GRID1: variants seen among roughly 807,000 people sequenced by gnomAD.
GRID1 encodes glutamate ionotropic receptor delta type subunit 1.
Under a neutral mutation model 98.0 loss-of-function variants are expected in GRID1, and 28 were observed. That is an observed-to-expected ratio of 0.29 (90% CI 0.21 to 0.39). The LOEUF (loss-of-function observed/expected upper bound fraction) is 0.39, where lower values mean the gene tolerates loss of function less well. Ranked by LOEUF, GRID1 falls within the 10% of genes least tolerant of loss-of-function variation. The pLI is 1.00. For missense variants in GRID1, 1,111 were observed against 1,340.5 expected, an observed-to-expected ratio of 0.83 and a Z score of 2.67; for synonymous variants, 553 against 538.5, an observed-to-expected ratio of 1.03 and a Z score of -0.37.
chr10:85,758,690 G>A (rs1462499911), intron 8 of GRID1, among the ~76,000 whole-genome samples: 1 of 152,188 alleles, frequency 6.6e-6, no homozygotes, highest in Non-Finnish European at 1.5e-5. Flanking sequence ...AAGTGCGTGG[G>A]TACTGGGAGG....
intron 2 of GRID1, among the ~76,000 whole-genome samples, chr10:86,361,552 T>C (rs72845192): frequency 0.052 from 7,951 of 152,272 alleles, 295 homozygotes; most frequent in Non-Finnish European, 0.075. Flanking sequence ...TTTTTCCAGC[T>C]ATACAAACAG....
At chr10:85,993,795 C>T (rs183531543) in intron 4 of GRID1, among the ~76,000 whole-genome samples, 4 of 152,278 alleles carry the variant, frequency 2.6e-5, no homozygotes, top group African/African-American at 9.6e-5. Flanking sequence ...ACATTATATA[C>T]CCATCTTATA....
At chr10:86,000,447 G>A (rs1432878653) in intron 4 of GRID1, among the ~76,000 whole-genome samples, 1 of 152,138 alleles carries the variant, frequency 6.6e-6, no homozygotes, top group Non-Finnish European at 1.5e-5. Flanking sequence ...CATACATATG[G>A]AAAGGCAAAG....
At chr10:86,119,357 A>T (rs1015241693) in intron 4 of GRID1, among the ~76,000 whole-genome samples, 1 of 152,082 alleles carries the variant, frequency 6.6e-6, no homozygotes, top group Non-Finnish European at 1.5e-5. Flanking sequence ...ACAAACAAAA[A>T]CTAAGAAAAC....
intron 2 of GRID1, among the ~76,000 whole-genome samples, chr10:86,295,424 G>A (rs533841803): frequency 2.6e-5 from 4 of 152,176 alleles, no homozygotes; most frequent in African/African-American, 4.8e-5. Flanking sequence ...GAGCCCGAGC[G>A]TTGTCCAGGA....
intron 4 of GRID1, among the ~76,000 whole-genome samples, chr10:86,121,857 G>A (rs1269370701): frequency 1.3e-5 from 2 of 152,170 alleles, no homozygotes; most frequent in Admixed American, 6.5e-5. Flanking sequence ...GGCAGTGCTT[G>A]GATTCTAACA....
chr10:85,908,449 C>G (rs1424553926), intron 5 of GRID1, among the ~76,000 whole-genome samples: 1 of 151,780 alleles, frequency 6.6e-6, no homozygotes, highest in Admixed American at 6.5e-5. Context: ...GTAGCACTGA[C>G]AATATAAAAT....
intron 8 of GRID1, among the ~76,000 whole-genome samples, chr10:85,810,632 C>A (rs1225075470): frequency 2.0e-5 from 3 of 152,178 alleles, no homozygotes; most frequent in Non-Finnish European, 2.9e-5. Flanking sequence ...ACCCTCACTC[C>A]CAACTGGAGA....
chr10:85,954,823 TAGA>T (rs1429780794), intron 4 of GRID1, among the ~76,000 whole-genome samples: 36 of 152,354 alleles, frequency 2.4e-4, no homozygotes, highest in Admixed American at 2.3e-3. Flanking sequence ...TCTTGTGATC[TAGA>T]AGAAGTCACT....
chr10:85,844,348 A>T (rs1047374549), intron 8 of GRID1, among the ~76,000 whole-genome samples: 2 of 151,872 alleles, frequency 1.3e-5, no homozygotes, highest in Non-Finnish European at 2.9e-5. Context: ...TCTTGGTAAC[A>T]AAACTATTCT....
intron 4 of GRID1, among the ~76,000 whole-genome samples, chr10:85,922,068 C>T (rs747371326): frequency 5.9e-5 from 9 of 152,320 alleles, no homozygotes; most frequent in East Asian, 3.9e-4. Context: ...ATTTGAACTA[C>T]GGCCCAACTG....
intron 4 of GRID1, among the ~76,000 whole-genome samples, chr10:86,109,086 C>G (rs1448693116): frequency 6.6e-6 from 1 of 152,150 alleles, no homozygotes; most frequent in Non-Finnish European, 1.5e-5. Flanking sequence ...TCTCCTGACC[C>G]TTTTTTAAGC....
At chr10:86,093,874 C>T (rs1419633035) in intron 4 of GRID1, among the ~76,000 whole-genome samples, 5 of 152,144 alleles carry the variant, frequency 3.3e-5, no homozygotes, top group Middle Eastern at 3.2e-3. Flanking sequence ...AATACCAAAA[C>T]CAGGAAAGGA....
chr10:86,199,303 TA>T (rs1253422223), intron 3 of GRID1, among the ~76,000 whole-genome samples: 2 of 152,154 alleles, frequency 1.3e-5, no homozygotes, highest in Non-Finnish European at 2.9e-5. Context: ...ACTCAGTACA[TA>T]AGGAACTAGA....
intron 2 of GRID1, among the ~76,000 whole-genome samples, chr10:86,228,759 G>A (rs1846399706): frequency 6.6e-6 from 1 of 152,134 alleles, no homozygotes; most frequent in Non-Finnish European, 1.5e-5. Flanking sequence ...AGGGAGCTGG[G>A]TCACCCCTCA....
rs189857403 is a variant in GRID1 at position 85,856,482 on chromosome 10, A to C, written c.952-292T>G. The stretch of plus-strand genomic sequence containing the variant: ...ATTGAGATGTGCACACAGGTAAGTT[A>C]CCTACTCAGGTAAGGGAGGATGGAG... On this transcript the variant is annotated intron_variant, in intron 6 of 15. Transcript: ENST00000327946. Among the ~76,000 whole-genome samples, 6 of 152,324 alleles carry C rather than the reference A, an allele frequency of 3.9e-5. No individual in the cohort carries two copies. The East Asian group carries it at 1.2e-3, about 29-fold the overall frequency.
intron 4 of GRID1, among the ~76,000 whole-genome samples, chr10:85,999,953 C>T (rs1374651743): frequency 6.6e-6 from 1 of 152,212 alleles, no homozygotes; most frequent in Non-Finnish European, 1.5e-5. Context: ...TATTCCCCAT[C>T]TTACTGGGAG....
rs75516972 is a variant in GRID1 at position 86,350,887 on chromosome 10, T to C, written c.235+13054A>G. On this transcript the variant is annotated intron_variant, in intron 2 of 15. Coordinates refer to ENST00000327946, the MANE Select transcript of GRID1 (RefSeq NM_017551.3). ...TGCAGTGCTCTGGACCACTAGAACT[T>C]ATGCCTTCTAACCAGCTGTAACTTT... is the stretch of plus-strand genomic sequence containing the variant. Among the ~76,000 whole-genome samples the C allele has an allele frequency of 4.6e-5, 7 of 152,318 alleles. No individual in the cohort carries two copies. In the East Asian group the frequency reaches 1.3e-3, roughly 29 times the overall value.
chr10:86,288,378 C>G (rs969761101), intron 2 of GRID1, among the ~76,000 whole-genome samples: 3 of 152,208 alleles, frequency 2.0e-5, no homozygotes, highest in African/African-American at 7.2e-5. Context: ...AGTGTGTGAT[C>G]AGTTACAGTT....
Sources: gnomAD v4.1 joint callset for allele counts (sites outside exome capture counted in the v4.1 genomes callset) on GRCh38, gnomAD v4.1.1 for gene constraint, MANE v1.5 for transcripts, NCBI Gene and HGNC (gene_info 2026-07-23, HGNC 2026-07-21) for gene names.